Variants in TACR3 observed in about 807,000 individuals in gnomAD.
TACR3 encodes tachykinin receptor 3.
In TACR3, 34 loss-of-function variants were observed where a neutral mutation model predicts 35.0. The ratio of observed to expected loss-of-function variants is 0.97; its 90% confidence interval spans 0.74 to 1.30. The LOEUF (loss-of-function observed/expected upper bound fraction) is 1.30. TACR3 is among the 50% of genes most tolerant of loss of function. The probability of loss-of-function intolerance (pLI) is 0.00; values close to 1 mark genes in which losing one functional copy is unlikely to be tolerated. For synonymous variants in TACR3, 233 were observed against 221.1 expected (o/e 1.05, Z -0.48); for missense variants, 558 against 591.7 (o/e 0.94, Z 0.59).
chr4:103,702,456 C>T (rs1722675556), intron 1 of TACR3, among the ~76,000 whole-genome samples: 1 of 152,134 alleles, frequency 6.6e-6, no homozygotes, highest in Non-Finnish European at 1.5e-5. Context: ...GTTGGTGGGA[C>T]TGTAAACTAG....
intron 3 of TACR3, among the ~76,000 whole-genome samples, chr4:103,631,702 C>T (rs529713230): frequency 6.6e-6 from 1 of 152,238 alleles, no homozygotes; most frequent in South Asian, 2.1e-4. Context: ...TATAACAATT[C>T]TGACCTTAAG....
intron 3 of TACR3, among the ~76,000 whole-genome samples, chr4:103,626,990 T>C (rs994383220): frequency 4.0e-5 from 6 of 150,068 alleles, no homozygotes; most frequent in South Asian, 2.1e-4. Context: ...CTGGCCAACA[T>C]AGCAAAACCC....
intron 1 of TACR3, among the ~76,000 whole-genome samples, chr4:103,683,988 T>TTAAATACCAAAAACCAA (rs1560530100): frequency 1.3e-5 from 2 of 152,088 alleles, no homozygotes; most frequent in Non-Finnish European, 2.9e-5. Flanking sequence ...AATTTAAATA[T>TTAAATACCAAAAACCAA]ATTAATTGAT....
At chr4:103,706,922 AC>A (rs1379009101) in intron 1 of TACR3, among the ~76,000 whole-genome samples, 2 of 152,190 alleles carry the variant, frequency 1.3e-5, no homozygotes, top group African/African-American at 4.8e-5. Flanking sequence ...TTCAAATGAG[AC>A]AAAAAGATAC....
intron 3 of TACR3, among the ~76,000 whole-genome samples, chr4:103,610,936 AGT>A (rs1464131995): frequency 6.6e-6 from 1 of 151,962 alleles, no homozygotes; most frequent in Non-Finnish European, 1.5e-5. Context: ...TCGGGTGTAA[AGT>A]GTGGATTTAT....
At chr4:103,695,176 T>A (rs1393688106) in intron 1 of TACR3, among the ~76,000 whole-genome samples, 1 of 152,214 alleles carries the variant, frequency 6.6e-6, no homozygotes, top group Non-Finnish European at 1.5e-5. Flanking sequence ...TACCGTTTAA[T>A]CTTTTCAGTA....
intron 4 of TACR3, chr4:103,591,080 A>G (rs957166649): frequency 6.1e-5 from 15 of 245,734 alleles, no homozygotes; most frequent in Non-Finnish European, 1.1e-4. Context: ...CCGCTCACAT[A>G]TGCCATCATC....
At position 103,667,932 on chromosome 4, in the gene TACR3, G is replaced by A. The variant is rs148687985; in HGVS notation, c.549-9529C>T. On this transcript the variant is annotated intron_variant, in intron 1 of 4. Transcript: ENST00000304883. ...CAATCTCTGCCTCCTGGGCTCAAGT[G>A]ATCCTCCCACCTCAGTCTCCTGAGT... 8.0e-3 allele frequency among the ~76,000 whole-genome samples: 1,221 copies of A among 152,184 alleles called. 8 individuals are homozygous for A. The highest frequency in any genetic ancestry group is 0.014 in the South Asian group (68 of 4,822).
At chr4:103,698,428 G>A (rs943172536) in intron 1 of TACR3, among the ~76,000 whole-genome samples, 8 of 148,848 alleles carry the variant, frequency 5.4e-5, no homozygotes, top group African/African-American at 1.8e-4. Flanking sequence ...TTTCTCCATT[G>A]ATGGTTCACC....
In TACR3 at chr4:103,590,145, C is replaced by T. The variant is rs1723862987; in HGVS notation, c.1086-151G>A. On this transcript the variant is annotated intron_variant, in intron 4 of 4. Transcript: ENST00000304883. Reference sequence around the variant, plus strand: ...GACTCTTAGAATTTATGTCACAGTACTGTTGTTAGTCGTTTAGTTCTTGTT... The same window carrying T: ...GACTCTTAGAATTTATGTCACAGTATTGTTGTTAGTCGTTTAGTTCTTGTT... 5.8e-6 allele frequency: 5 copies of T among 866,588 alleles called. No individual in the cohort carries two copies. In the South Asian group the frequency reaches 6.1e-5, roughly 11 times the overall value. 53.7% of individuals were successfully genotyped at this position (866,588 alleles called of 1,614,324 possible).
At chr4:103,620,526 T>A (rs1410274280) in intron 3 of TACR3, among the ~76,000 whole-genome samples, 2 of 152,082 alleles carry the variant, frequency 1.3e-5, no homozygotes, top group African/African-American at 4.8e-5. Flanking sequence ...GAGTACAATT[T>A]AAAAAATGCC....
intron 3 of TACR3, among the ~76,000 whole-genome samples, chr4:103,607,404 C>G (rs962168531): frequency 2.6e-5 from 4 of 151,774 alleles, no homozygotes; most frequent in African/African-American, 9.7e-5. Flanking sequence ...TTATTTTTAT[C>G]TTACCAGTGT....
At chr4:103,718,106 T>A (rs58653000) in intron 1 of TACR3, among the ~76,000 whole-genome samples, 6,151 of 152,230 alleles carry the variant, frequency 0.04, 401 homozygotes, top group African/African-American at 0.14. Context: ...AAATAACCTG[T>A]TTTTTCTTAT....
At chr4:103,601,890 C>G (rs1009289985) in intron 3 of TACR3, among the ~76,000 whole-genome samples, 33 of 152,096 alleles carry the variant, frequency 2.2e-4, no homozygotes, top group Non-Finnish European at 3.5e-4. Flanking sequence ...TGAGGAGTAT[C>G]TTTGTGGTGT....
chr4:103,615,451 G>A (rs1321806980), intron 3 of TACR3, among the ~76,000 whole-genome samples: 1 of 151,278 alleles, frequency 6.6e-6, no homozygotes, highest in Non-Finnish European at 1.5e-5. Context: ...TTTGTTTTGG[G>A]AAGTGGCATC....
At chr4:103,700,938 T>C (rs1263700108) in intron 1 of TACR3, among the ~76,000 whole-genome samples, 1 of 152,098 alleles carries the variant, frequency 6.6e-6, no homozygotes, top group African/African-American at 2.4e-5. Context: ...CCACAGCCAA[T>C]ATCATACTGA....
intron 1 of TACR3, among the ~76,000 whole-genome samples, chr4:103,702,251 C>G (rs1346025035): frequency 5.9e-5 from 9 of 152,090 alleles, no homozygotes; most frequent in Non-Finnish European, 8.8e-5. Flanking sequence ...GATATGAACA[C>G]ACACTTTTCA....
At chr4:103,650,020 T>C (rs1159445343) in intron 3 of TACR3, among the ~76,000 whole-genome samples, 4 of 152,084 alleles carry the variant, frequency 2.6e-5, no homozygotes, top group African/African-American at 9.7e-5. Context: ...GACTTGGGTA[T>C]TGTGATCTAG....
At chr4:103,602,400 C>T (rs1724229731) in intron 3 of TACR3, among the ~76,000 whole-genome samples, 1 of 152,172 alleles carries the variant, frequency 6.6e-6, no homozygotes, top group Non-Finnish European at 1.5e-5. Flanking sequence ...AAGTCATTCT[C>T]CATCCAGCTG....
Sources: gnomAD v4.1 joint callset for allele counts (sites outside exome capture counted in the v4.1 genomes callset) on GRCh38, gnomAD v4.1.1 for gene constraint, MANE v1.5 for transcripts, NCBI Gene and HGNC (gene_info 2026-07-23, HGNC 2026-07-21) for gene names.